Variants in ZFYVE1 observed in about 807,000 individuals in gnomAD.
ZFYVE1 encodes zinc finger FYVE domain-containing protein 1.
In ZFYVE1, 30 loss-of-function variants were observed where a neutral mutation model predicts 74.4. The observed-to-expected ratio is 0.40, with a 90% CI of 0.30 to 0.55. The LOEUF (loss-of-function observed/expected upper bound fraction) is 0.55. Among genes scored for constraint, ZFYVE1 ranks in the 20% least tolerant of loss-of-function variants. The probability of loss-of-function intolerance (pLI) is 0.42; values close to 1 mark genes in which losing one functional copy is unlikely to be tolerated. For synonymous variants in ZFYVE1, 335 were observed against 385.1 expected, an observed-to-expected ratio of 0.87 and a Z score of 1.52; for missense variants, 703 against 1,011.6, an observed-to-expected ratio of 0.69 and a Z score of 4.14.
In ZFYVE1 at chr14:73,019,441, T is replaced by C. The variant is rs904302325; in HGVS notation, c.483+4585A>G. On this transcript the variant is annotated intron_variant, in intron 2 of 11. Coordinates refer to ENST00000556143, the MANE Select transcript of ZFYVE1 (RefSeq NM_021260.4). ...AAAAAAAAATCCCTATGTACTAAAT[T>C]GAAAATGCTCAAAACCCACAAATGC... is the stretch of plus-strand genomic sequence containing the variant. Among the ~76,000 whole-genome samples the C allele has an allele frequency of 2.6e-5, 4 of 151,596 alleles. No individual in the cohort carries two copies. The East Asian group carries it at 7.7e-4, about 29-fold the overall frequency.
intron 2 of ZFYVE1, among the ~76,000 whole-genome samples, chr14:73,023,329 ATTATATAT>A (rs1894375869): frequency 1.1e-5 from 1 of 89,938 alleles, no homozygotes; most frequent in Non-Finnish European, 2.2e-5. Context: ...TATAATATAT[ATTATATAT>A]GTTTTATATA....
intron 4 of ZFYVE1, among the ~76,000 whole-genome samples, chr14:72,991,743 AATGT>A (rs1193139933): frequency 1.3e-5 from 2 of 152,288 alleles, no homozygotes; most frequent in South Asian, 2.1e-4. Flanking sequence ...TCTAACTGGA[AATGT>A]ATGTATTTCA....
At chr14:73,007,760 G>T (rs1894009172) in intron 2 of ZFYVE1, among the ~76,000 whole-genome samples, 1 of 152,194 alleles carries the variant, frequency 6.6e-6, no homozygotes, top group Non-Finnish European at 1.5e-5. Context: ...CAAATGATTA[G>T]ATTTCTTCCA....
At chr14:73,015,197 C>T (rs553209121) in intron 2 of ZFYVE1, among the ~76,000 whole-genome samples, 1 of 140,316 alleles carries the variant, frequency 7.1e-6, no homozygotes, top group South Asian at 2.3e-4. Context: ...TGCCACTGCA[C>T]TCCAGCTGGG....
At chr14:73,010,693 C>T (rs1229594061) in intron 2 of ZFYVE1, among the ~76,000 whole-genome samples, 1 of 147,418 alleles carries the variant, frequency 6.8e-6, no homozygotes, top group Non-Finnish European at 1.5e-5. Flanking sequence ...TCGCTTGAAC[C>T]GGGGAGGTGG....
At chr14:72,986,593 G>A (rs774347878) in intron 4 of ZFYVE1, among the ~76,000 whole-genome samples, 17 of 141,360 alleles carry the variant, frequency 1.2e-4, no homozygotes, top group African/African-American at 3.9e-4. Context: ...ACAGAGTCTC[G>A]CTCTATCACC....
intron 10 of ZFYVE1, among the ~76,000 whole-genome samples, 181 bp downstream of exon 10, chr14:72,974,598 C>T (rs1171766346): frequency 7.9e-5 from 12 of 152,150 alleles, no homozygotes; most frequent in Admixed American, 7.9e-4. Context: ...GGTTCGAGCC[C>T]CTGAGGAACA....
intron 5 of ZFYVE1, chr14:72,979,189 T>C (rs951250387): frequency 6.1e-6 from 3 of 493,894 alleles, no homozygotes; most frequent in Admixed American, 6.4e-5. Flanking sequence ...ACTATCCTTG[T>C]ATGAGGACAC....
intron 2 of ZFYVE1, among the ~76,000 whole-genome samples, chr14:73,023,327 ATAT>A (rs1328810382): frequency 3.2e-4 from 26 of 80,068 alleles, no homozygotes; most frequent in Non-Finnish European, 6.6e-4. Flanking sequence ...TATATAATAT[ATAT>A]TATATATGTT....
At chr14:73,016,913 A>C (rs1435048852) in intron 2 of ZFYVE1, among the ~76,000 whole-genome samples, 2 of 152,180 alleles carry the variant, frequency 1.3e-5, no homozygotes, top group East Asian at 3.9e-4. Context: ...TACAACTCAG[A>C]AAGTCTTACC....
intron 3 of ZFYVE1, 140 bp from the exon 4 acceptor site, chr14:72,993,497 G>GT: frequency 6.1e-6 from 4 of 660,852 alleles, no homozygotes; most frequent in Non-Finnish European, 9.9e-6. Flanking sequence ...GAGGTCAGGA[G>GT]TTCAGCCTGG....
chr14:73,003,141 G>C (rs1302587190), intron 2 of ZFYVE1, among the ~76,000 whole-genome samples: 1 of 131,314 alleles, frequency 7.6e-6, no homozygotes, highest in Admixed American at 9.0e-5. Flanking sequence ...TGCAACCTCC[G>C]CCTTCTGGAT....
At chr14:72,979,569 A>G (rs10130581) in intron 5 of ZFYVE1, among the ~76,000 whole-genome samples, 57,459 of 151,296 alleles carry the variant, frequency 0.38, 11,241 homozygotes, top group Middle Eastern at 0.48. Flanking sequence ...CAGGAGAATC[A>G]CTTGAATCCA....
chr14:72,976,960 C>G, intron 8 of ZFYVE1, among the ~76,000 whole-genome samples: 1 of 152,082 alleles, frequency 6.6e-6, no homozygotes, highest in East Asian at 1.9e-4. Flanking sequence ...GGGATAATCA[C>G]TTGCCTTTTT....
chr14:72,999,663 A>G (rs973379368), intron 2 of ZFYVE1, among the ~76,000 whole-genome samples: 1 of 152,238 alleles, frequency 6.6e-6, no homozygotes, highest in Non-Finnish European at 1.5e-5. Flanking sequence ...GCATGGTGGC[A>G]TCCATTTGTA....
chr14:72,991,168 A>T (rs2140360449), intron 4 of ZFYVE1, among the ~76,000 whole-genome samples: 1 of 149,854 alleles, frequency 6.7e-6, no homozygotes, highest in South Asian at 2.1e-4. Context: ...TACAGTGCTC[A>T]GTGTCCCTGA....
rs1893009428 is a variant in ZFYVE1 at position 72,970,709 on chromosome 14, C to CGTGTT, written c.*172_*173insAACAC. ...GCAAGGTCCCCTGCCCTGAGGGGTC[C>CGTGTT]ACACCTTCGGGCCTGCCGCCAGGCT... On this transcript the variant is annotated 3_prime_UTR_variant, in exon 12 of 12. Coordinates refer to ENST00000556143, the MANE Select transcript of ZFYVE1 (RefSeq NM_021260.4). 2.9e-6 allele frequency: 2 copies of CGTGTT among 694,130 alleles called. No homozygotes were observed. The highest frequency in any genetic ancestry group is 5.8e-5 in the Admixed American group (2 of 34,398). The allele number at this position is 694,130 out of a possible 1,614,324, so 43.0% of individuals were successfully genotyped here. A position where few individuals can be genotyped will look rare whatever the true frequency, so the allele number is the denominator to read the frequency against.
chr14:72,980,289 G>A (rs775015302), intron 5 of ZFYVE1, among the ~76,000 whole-genome samples: 1 of 152,216 alleles, frequency 6.6e-6, no homozygotes, highest in Non-Finnish European at 1.5e-5. Context: ...GTCTACTCCT[G>A]TAAAAGGAGA....
Position 73,006,214 on chromosome 14 carries a change from C to T in ZFYVE1, c.484-7899G>A, listed in dbSNP as rs576024752. On this transcript the variant is annotated intron_variant, in intron 2 of 11. Transcript: ENST00000556143. ...GATTGTAGGCGTGAGCCACCGCGCC[C>T]GGCCAAAACACATTATTATTCATAC... is the stretch of plus-strand genomic sequence containing the variant. Among the ~76,000 whole-genome samples the T allele has an allele frequency of 5.3e-5, 8 of 152,010 alleles. No individual in the cohort carries two copies. In the South Asian group the frequency reaches 1.2e-3, roughly 24 times the overall value.
Sources: gnomAD v4.1 joint callset for allele counts (sites outside exome capture counted in the v4.1 genomes callset) on GRCh38, gnomAD v4.1.1 for gene constraint, MANE v1.5 for transcripts, NCBI Gene and HGNC (gene_info 2026-07-23, HGNC 2026-07-21) for gene names.